KCNC2: variants seen among roughly 807,000 people sequenced by gnomAD.
The protein encoded by KCNC2 is voltage-gated potassium channel KCNC2.
KCNC2 carries 21 observed loss-of-function variants against 44.5 expected under a neutral mutation model. That is an observed-to-expected ratio of 0.47 (90% CI 0.33 to 0.68). The LOEUF is 0.68. Among genes scored for constraint, KCNC2 ranks in the 30% least tolerant of loss-of-function variants. The probability of loss-of-function intolerance (pLI) is 0.01; values close to 1 mark genes in which losing one functional copy is unlikely to be tolerated. For missense variants in KCNC2, 589 were observed against 826.2 expected, an observed-to-expected ratio of 0.71 and a Z score of 3.52; for synonymous variants, 391 against 339.1, an observed-to-expected ratio of 1.15 and a Z score of -1.68.
intron 2 of KCNC2, among the ~76,000 whole-genome samples, chr12:75,188,684 T>C (rs2029902793): frequency 6.6e-6 from 1 of 151,128 alleles, no homozygotes. Context: ...ACATGTGAAA[T>C]CCTGTCTCTA....
chr12:75,115,480 TTTAC>T (rs1463984629), intron 2 of KCNC2, among the ~76,000 whole-genome samples: 1 of 152,198 alleles, frequency 6.6e-6, no homozygotes, highest in Non-Finnish European at 1.5e-5. Context: ...ATTTTGTTTA[TTTAC>T]TTATTTATTT....
At chr12:75,101,451 T>A (rs531472382) in intron 2 of KCNC2, among the ~76,000 whole-genome samples, 1 of 152,174 alleles carries the variant, frequency 6.6e-6, no homozygotes, top group East Asian at 1.9e-4. Flanking sequence ...TTTGGTCTGT[T>A]ACACACTTTG....
chr12:75,198,836 T>C (rs959924020), intron 2 of KCNC2, among the ~76,000 whole-genome samples: 16 of 151,772 alleles, frequency 1.1e-4, no homozygotes, highest in Admixed American at 8.6e-4. Context: ...GGCCTTCTCA[T>C]GGAGCACAAA....
intron 2 of KCNC2, among the ~76,000 whole-genome samples, chr12:75,204,272 T>C (rs556848617): frequency 2.6e-5 from 4 of 152,016 alleles, no homozygotes; most frequent in Admixed American, 6.5e-5. Context: ...ATTTACTTCA[T>C]AAATTAAAAA....
chr12:75,094,246 A>C (rs941076500), intron 2 of KCNC2, among the ~76,000 whole-genome samples: 4 of 151,712 alleles, frequency 2.6e-5, no homozygotes, highest in African/African-American at 9.7e-5. Context: ...TAAAAATAAA[A>C]AGTCACCTGC....
intron 2 of KCNC2, among the ~76,000 whole-genome samples, chr12:75,154,209 T>C (rs1890606753): frequency 6.6e-6 from 1 of 152,036 alleles, no homozygotes; most frequent in South Asian, 2.1e-4. Flanking sequence ...GGGTCCCTCC[T>C]GTCTCTGATA....
chr12:75,137,825 G>T (rs1324583220), intron 2 of KCNC2, among the ~76,000 whole-genome samples: 1 of 152,190 alleles, frequency 6.6e-6, no homozygotes, highest in African/African-American at 2.4e-5. Flanking sequence ...AGCCTGGGAA[G>T]GAACAGCGCA....
chr12:75,116,151 A>G (rs1481772835), intron 2 of KCNC2, among the ~76,000 whole-genome samples: 7 of 152,146 alleles, frequency 4.6e-5, no homozygotes, highest in Non-Finnish European at 1.5e-5. Flanking sequence ...TTATACCTTT[A>G]CAAAGGGAGC....
At position 75,095,088 on chromosome 12, in the gene KCNC2, A is replaced by C. The variant is rs1885809933; in HGVS notation, c.688-43771T>G. On this transcript the variant is annotated intron_variant, in intron 2 of 4. Transcript: ENST00000549446. ...CAGCTCATTGAAATACTGAAGGATGAAGACTGTGCTTACTCCTTTTCTGTT... is the reference window on the plus strand; with the variant it reads ...CAGCTCATTGAAATACTGAAGGATGCAGACTGTGCTTACTCCTTTTCTGTT... Among the ~76,000 whole-genome samples the C allele has an allele frequency of 3.3e-5, 5 of 151,986 alleles. No individual in the cohort carries two copies. In the South Asian group the frequency reaches 1.0e-3, roughly 31 times the overall value.
chr12:75,064,901 T>A (rs1416686373), intron 2 of KCNC2, among the ~76,000 whole-genome samples: 3 of 152,014 alleles, frequency 2.0e-5, no homozygotes, highest in Non-Finnish European at 2.9e-5. Context: ...TTTAGTATGC[T>A]TTATTTGAAA....
At chr12:75,116,543 C>T (rs1438160277) in intron 2 of KCNC2, among the ~76,000 whole-genome samples, 1 of 151,750 alleles carries the variant, frequency 6.6e-6, no homozygotes. Flanking sequence ...ATACATATTC[C>T]AATAGAGGAA....
At chr12:75,110,601 G>A (rs944354081) in intron 2 of KCNC2, among the ~76,000 whole-genome samples, 1 of 152,106 alleles carries the variant, frequency 6.6e-6, no homozygotes, top group African/African-American at 2.4e-5. Context: ...ACAAAAGAGG[G>A]CTGAGCCATG....
At position 75,049,587 on chromosome 12, in the gene KCNC2, T is replaced by C. The variant is rs562964415; in HGVS notation, c.1615+803A>G. 7.2e-5 allele frequency among the ~76,000 whole-genome samples: 11 copies of C among 152,088 alleles called. No individual in the cohort carries two copies. In the East Asian group the frequency reaches 1.8e-3, roughly 24 times the overall value. Reference sequence around the variant, plus strand: ...CTATAGCAATGGGGAGGAGCAGAGATTCAACTAATCTCAAGCAGTAAATCA... The same window carrying C: ...CTATAGCAATGGGGAGGAGCAGAGACTCAACTAATCTCAAGCAGTAAATCA... On this transcript the variant is annotated intron_variant, in intron 3 of 4. Transcript: ENST00000549446.
At chr12:75,053,212 T>C (rs1881373193) in intron 2 of KCNC2, among the ~76,000 whole-genome samples, 1 of 151,948 alleles carries the variant, frequency 6.6e-6, no homozygotes. Context: ...TTGTTTCTTA[T>C]TCTACCTAAA....
chr12:75,166,691 A>T (rs1297425446), intron 2 of KCNC2, among the ~76,000 whole-genome samples: 1 of 151,214 alleles, frequency 6.6e-6, no homozygotes, highest in East Asian at 1.9e-4. Context: ...CAGAAATTAA[A>T]CAACACATTC....
At chr12:75,090,470 G>A (rs770414320) in intron 2 of KCNC2, among the ~76,000 whole-genome samples, 25 of 151,114 alleles carry the variant, frequency 1.7e-4, no homozygotes, top group African/African-American at 2.4e-4. Flanking sequence ...AGCCTTCTTA[G>A]AACTTAGAAG....
intron 2 of KCNC2, among the ~76,000 whole-genome samples, chr12:75,193,280 C>T (rs1425341630): frequency 2.0e-5 from 3 of 152,032 alleles, no homozygotes; most frequent in Non-Finnish European, 4.4e-5. Flanking sequence ...GACTAGAATA[C>T]TGAGATATAA....
At chr12:75,177,525 CT>C (rs1892275008) in intron 2 of KCNC2, among the ~76,000 whole-genome samples, 1 of 151,844 alleles carries the variant, frequency 6.6e-6, no homozygotes, top group Non-Finnish European at 1.5e-5. Context: ...GATAAAGGAG[CT>C]GTTAGACTGA....
Position 75,122,382 on chromosome 12 carries a change from A to G in KCNC2, c.688-71065T>C, listed in dbSNP as rs11180374. On this transcript the variant is annotated intron_variant, in intron 2 of 4. Coordinates refer to ENST00000549446, the MANE Select transcript of KCNC2 (RefSeq NM_139137.4). ...AGGTAGAAAGAGAAGAGCCCATTTCAGAACTCATGTAGGTGAGTAACATAA... is the reference window on the plus strand; with the variant it reads ...AGGTAGAAAGAGAAGAGCCCATTTCGGAACTCATGTAGGTGAGTAACATAA... Among the ~76,000 whole-genome samples, 2,382 of 152,358 alleles carry G rather than the reference A, an allele frequency of 0.016. 242 individuals carry two copies. The East Asian group carries it at 0.28, about 18-fold the overall frequency.
Sources: gnomAD v4.1 joint callset for allele counts (sites outside exome capture counted in the v4.1 genomes callset) on GRCh38, gnomAD v4.1.1 for gene constraint, MANE v1.5 for transcripts, NCBI Gene and HGNC (gene_info 2026-07-23, HGNC 2026-07-21) for gene names.